Variants in LHFPL6 observed in about 807,000 individuals in gnomAD.
The protein encoded by LHFPL6 is LHFPL tetraspan subfamily member 6 protein.
In LHFPL6, 9 loss-of-function variants were observed where a neutral mutation model predicts 20.6. The observed-to-expected ratio is 0.44, with a 90% CI of 0.26 to 0.76. LHFPL6 has a LOEUF of 0.76. Among genes scored for constraint, LHFPL6 ranks in the 30% least tolerant of loss-of-function variants. The pLI, the probability that LHFPL6 is intolerant of heterozygous loss-of-function variation, is 0.20. For missense variants in LHFPL6, 218 were observed against 253.5 expected (o/e 0.86, Z 0.95); for synonymous variants, 105 against 98.7 (o/e 1.06, Z -0.38).
chr13:39,522,099 T>C (rs1870126770), intron 2 of LHFPL6, among the ~76,000 whole-genome samples: 1 of 152,126 alleles, frequency 6.6e-6, no homozygotes, highest in South Asian at 2.1e-4. Context: ...ATTTCCAACT[T>C]TTGTCACATC....
At chr13:39,412,693 G>A (rs1486833979) in intron 2 of LHFPL6, among the ~76,000 whole-genome samples, 1 of 152,164 alleles carries the variant, frequency 6.6e-6, no homozygotes, top group Non-Finnish European at 1.5e-5. Flanking sequence ...GGGAGGCCAA[G>A]GCGGGTGGAT....
chr13:39,542,920 T>A (rs779767407), intron 2 of LHFPL6, among the ~76,000 whole-genome samples: 4 of 152,250 alleles, frequency 2.6e-5, no homozygotes, highest in Non-Finnish European at 5.9e-5. Context: ...GCATTAAGTA[T>A]GTCCACGATG....
intron 2 of LHFPL6, among the ~76,000 whole-genome samples, chr13:39,416,543 T>A (rs79172265): frequency 0.041 from 6,239 of 152,256 alleles, 420 homozygotes; most frequent in African/African-American, 0.14. Context: ...TTGAGCTCCT[T>A]TTCCATACAA....
At chr13:39,481,689 G>A (rs1283982484) in intron 2 of LHFPL6, among the ~76,000 whole-genome samples, 3 of 152,096 alleles carry the variant, frequency 2.0e-5, no homozygotes, top group Non-Finnish European at 4.4e-5. Context: ...AAAAGGAAGG[G>A]GGCGGGAGAC....
At chr13:39,487,735 G>A (rs1036918739) in intron 2 of LHFPL6, among the ~76,000 whole-genome samples, 3 of 152,202 alleles carry the variant, frequency 2.0e-5, no homozygotes, top group African/African-American at 7.2e-5. Context: ...TAGGCCGGGT[G>A]CGGTGGCTCA....
At chr13:39,485,222 G>A (rs143242603) in intron 2 of LHFPL6, among the ~76,000 whole-genome samples, 4 of 152,212 alleles carry the variant, frequency 2.6e-5, no homozygotes, top group Admixed American at 2.0e-4. Flanking sequence ...GAAATGTTTT[G>A]GGCTGTATCT....
At chr13:39,367,036 C>T (rs1258456892) in intron 3 of LHFPL6, among the ~76,000 whole-genome samples, 1 of 152,230 alleles carries the variant, frequency 6.6e-6, no homozygotes, top group African/African-American at 2.4e-5. Context: ...CACAAGAGAT[C>T]TGTGAAGAAC....
At chr13:39,396,767 AC>A (rs1212634031) in intron 2 of LHFPL6, among the ~76,000 whole-genome samples, 1 of 152,126 alleles carries the variant, frequency 6.6e-6, no homozygotes, top group African/African-American at 2.4e-5. Flanking sequence ...CTGCACTTTA[AC>A]CTGGGTGACA....
At chr13:39,482,687 G>C (rs1308018361) in intron 2 of LHFPL6, among the ~76,000 whole-genome samples, 1 of 152,148 alleles carries the variant, frequency 6.6e-6, no homozygotes, top group Non-Finnish European at 1.5e-5. Context: ...TTCAACAATG[G>C]CAGTTTTAGG....
At chr13:39,385,021 CA>C (rs1387347795) in intron 2 of LHFPL6, among the ~76,000 whole-genome samples, 1 of 152,198 alleles carries the variant, frequency 6.6e-6, no homozygotes, top group Non-Finnish European at 1.5e-5. Flanking sequence ...AATTAAGAAG[CA>C]ATCTATTTCT....
At chr13:39,547,887 C>T (rs879276725) in intron 2 of LHFPL6, among the ~76,000 whole-genome samples, 3 of 151,864 alleles carry the variant, frequency 2.0e-5, no homozygotes, top group Admixed American at 2.0e-4. Flanking sequence ...AGCTGAAATG[C>T]CCCAAAGTGA....
chr13:39,369,019 A>G (rs978800605), intron 3 of LHFPL6, among the ~76,000 whole-genome samples: 3 of 151,862 alleles, frequency 2.0e-5, no homozygotes, highest in East Asian at 1.9e-4. Context: ...AAACAGCTCA[A>G]TTTCCTAAAT....
chr13:39,515,196 G>A (rs1203727920), intron 2 of LHFPL6, among the ~76,000 whole-genome samples: 1 of 152,200 alleles, frequency 6.6e-6, no homozygotes, highest in Admixed American at 6.5e-5. Context: ...GTCCCTGCCT[G>A]TTAGTTCCAC....
chr13:39,596,484 G>A (rs1375790019), intron 2 of LHFPL6, among the ~76,000 whole-genome samples: 1 of 152,122 alleles, frequency 6.6e-6, no homozygotes, highest in Non-Finnish European at 1.5e-5. Flanking sequence ...TCTACTGACA[G>A]AAATTCTGCA....
chr13:39,435,062 C>CAAAAAAAAAAA (rs55701240), intron 2 of LHFPL6, among the ~76,000 whole-genome samples: 3 of 53,358 alleles, frequency 5.6e-5, no homozygotes, highest in African/African-American at 8.4e-5. Context: ...GACTCCGTCT[C>CAAAAAAAAAAA]AAAAAAAAAA....
At chr13:39,475,174 T>C (rs1873052038) in intron 2 of LHFPL6, among the ~76,000 whole-genome samples, 1 of 152,024 alleles carries the variant, frequency 6.6e-6, no homozygotes, top group Admixed American at 6.5e-5. Flanking sequence ...AGAAGAACCA[T>C]CTGTGAGACC....
chr13:39,421,105 A>AAC lies in LHFPL6; in HGVS notation c.386-42580_386-42579insGT, dbSNP rs66556729. Among the ~76,000 whole-genome samples the AAC allele has an allele frequency of 0.012, 43 of 3,478 alleles. No homozygotes were observed. The East Asian group carries it at 0.25, about 20-fold the overall frequency. 2.3% of individuals were successfully genotyped at this position (3,478 alleles called of 152,430 possible). ...CTGTCTATCAGATAACAACAACAAC[A>AAC]AAAAAAACTAAATCACAAGTGTGAA... On this transcript the variant is annotated intron_variant, in intron 2 of 3. Coordinates refer to ENST00000379589, the MANE Select transcript of LHFPL6 (RefSeq NM_005780.3).
intron 2 of LHFPL6, among the ~76,000 whole-genome samples, chr13:39,486,984 G>A (rs1473686282): frequency 1.3e-5 from 2 of 152,202 alleles, no homozygotes; most frequent in Non-Finnish European, 1.5e-5. Flanking sequence ...GGCAGCCACA[G>A]CTTGCACAAG....
At chr13:39,474,871 C>T (rs925873017) in intron 2 of LHFPL6, among the ~76,000 whole-genome samples, 1 of 151,956 alleles carries the variant, frequency 6.6e-6, no homozygotes, top group African/African-American at 2.4e-5. Flanking sequence ...CCTAACAGCC[C>T]ATGGGGAGTA....
Sources: gnomAD v4.1 joint callset for allele counts (sites outside exome capture counted in the v4.1 genomes callset) on GRCh38, gnomAD v4.1.1 for gene constraint, MANE v1.5 for transcripts, NCBI Gene and HGNC (gene_info 2026-07-23, HGNC 2026-07-21) for gene names.